SRGAP1: variants seen among roughly 807,000 people sequenced by gnomAD.
SRGAP1 encodes SLIT-ROBO Rho GTPase activating protein 1, also known as SLIT-ROBO Rho GTPase-activating protein 1.
In SRGAP1, 43 loss-of-function variants were observed where a neutral mutation model predicts 121.9. The ratio of observed to expected loss-of-function variants is 0.35; its 90% CI spans 0.28 to 0.46. The LOEUF (loss-of-function observed/expected upper bound fraction) is 0.46, where lower values mean the gene tolerates loss of function less well. SRGAP1 is among the 20% of genes least tolerant of loss of function. The pLI, the probability that SRGAP1 is intolerant of heterozygous loss-of-function variation, is 1.00. For synonymous variants in SRGAP1, 447 were observed against 485.4 expected, an observed-to-expected ratio of 0.92 and a Z score of 1.04; for missense variants, 1,102 against 1,350.9, an observed-to-expected ratio of 0.82 and a Z score of 2.89.
chr12:63,941,947 T>C (rs761536806), intron 1 of SRGAP1, among the ~76,000 whole-genome samples: 2 of 152,150 alleles, frequency 1.3e-5, no homozygotes, highest in Non-Finnish European at 2.9e-5. Context: ...GTTCCAAACC[T>C]GGAAATCACA....
At chr12:63,949,066 T>TATTTTCCATATATGA (rs1468174857) in intron 1 of SRGAP1, among the ~76,000 whole-genome samples, 30,012 of 127,804 alleles carry the variant, frequency 0.23, 6,469 homozygotes, top group East Asian at 0.44. Context: ...TCCATATATG[T>TATTTTCCATATATGA]ATTTTCCATA....
chr12:64,021,174 G>T (rs7970430), intron 4 of SRGAP1, among the ~76,000 whole-genome samples: 61,823 of 152,092 alleles, frequency 0.41, 13,067 homozygotes, highest in Non-Finnish European at 0.48. Flanking sequence ...GAGACTCCAT[G>T]AAAGTCTCAC....
rs146885491 is a variant in SRGAP1, at chr12:64,142,556, G to T, written c.3142G>T (p.Val1048Leu). Residue 1048 changes from valine to leucine, a missense_variant, in exon 22 of 22, where the codon GTG becomes TTG. By Grantham distance (32) the Val-to-Leu change is conservative. Around this residue, in one of 3 missense-constraint regions of SRGAP1, gnomAD observed 315 missense variants for 343.1 expected, o/e 0.92. Coordinates refer to ENST00000355086, the MANE Select transcript of SRGAP1 (RefSeq NM_020762.4). ...FKPMVAPRMG[V>L]QLKPPALRPK... ...GCCTATGGTGGCACCCAGAATGGGC[G>T]TGCAGCTGAAGCCTCCAGCCCTTAG... The T allele has an allele frequency of 6.2e-7, 1 of 1,614,172 alleles. No homozygotes were observed. The highest frequency in any genetic ancestry group is 1.1e-5 in the South Asian group (1 of 91,082).
intron 15 of SRGAP1, among the ~76,000 whole-genome samples, chr12:64,101,266 A>G (rs1386251239): frequency 6.7e-6 from 1 of 149,178 alleles, no homozygotes; most frequent in Non-Finnish European, 1.5e-5. Flanking sequence ...TGTAGCACCC[A>G]CTACTTTTCG....
At chr12:63,900,298 C>T (rs1180536556) in intron 1 of SRGAP1, among the ~76,000 whole-genome samples, 12 of 149,232 alleles carry the variant, frequency 8.0e-5, no homozygotes, top group African/African-American at 2.5e-4. Context: ...CTCTGCCTCC[C>T]GGGTTCAAGC....
chr12:63,868,500 G>A (rs1383549812), intron 1 of SRGAP1, among the ~76,000 whole-genome samples: 1 of 152,040 alleles, frequency 6.6e-6, no homozygotes, highest in African/African-American at 2.4e-5. Flanking sequence ...CTCAGCCTCC[G>A]AAGTAGCTGA....
At chr12:64,111,430 A>G (rs1021900663) in intron 16 of SRGAP1, among the ~76,000 whole-genome samples, 1 of 152,204 alleles carries the variant, frequency 6.6e-6, no homozygotes, top group Admixed American at 6.5e-5. Context: ...CTCACTGTGT[A>G]TCCTAAATTT....
intron 1 of SRGAP1, among the ~76,000 whole-genome samples, chr12:63,968,641 C>G (rs1338833013): frequency 6.6e-6 from 1 of 152,206 alleles, no homozygotes; most frequent in Non-Finnish European, 1.5e-5. Flanking sequence ...GCTACCGTTT[C>G]AACCCTGTCA....
At chr12:64,091,425 A>C (rs1190506361) in intron 12 of SRGAP1, 47 bp downstream of exon 12, 2 of 1,413,664 alleles carry the variant, frequency 1.4e-6, no homozygotes, top group African/African-American at 2.8e-5. Context: ...GCTTCTTACT[A>C]TAATGGTCTC....
chr12:64,078,770 G>GT (rs1254493729), intron 8 of SRGAP1, 149 bp from the exon 9 acceptor site: 1 of 718,632 alleles, frequency 1.4e-6, no homozygotes, highest in Non-Finnish European at 2.3e-6. Context: ...GATATGGAGT[G>GT]TTTTTTACCT....
intron 10 of SRGAP1, among the ~76,000 whole-genome samples, chr12:64,086,722 GAAA>G (rs3057149): frequency 0.091 from 10,962 of 120,240 alleles, 488 homozygotes; most frequent in South Asian, 0.23. Flanking sequence ...TTTCTTTTCT[GAAA>G]AAAAAAAAAA....
chr12:64,036,293 G>C (rs1322084251), intron 4 of SRGAP1, among the ~76,000 whole-genome samples: 3 of 152,266 alleles, frequency 2.0e-5, no homozygotes, highest in African/African-American at 7.2e-5. Context: ...AGGTGGCCCT[G>C]GTGGCTTTCC....
chr12:63,931,462 A>AT (rs1024482333), intron 1 of SRGAP1, among the ~76,000 whole-genome samples: 2 of 152,018 alleles, frequency 1.3e-5, no homozygotes, highest in African/African-American at 4.8e-5. Context: ...AGTAAGTTGA[A>AT]TTTTTTTTCT....
intron 1 of SRGAP1, among the ~76,000 whole-genome samples, chr12:63,961,208 A>C (rs1163392711): frequency 6.6e-6 from 1 of 152,244 alleles, no homozygotes; most frequent in Admixed American, 6.5e-5. Context: ...CCATAGCCAC[A>C]CGCAGCCAGA....
rs78835675 is a variant in SRGAP1, at chr12:64,060,472, T to A, written c.802-2445T>A. ...GTCCTCCCACCTTGGCCCCTTGAAG[T>A]GCTGGGATTACAGGCGTGAGCCACC... On this transcript the variant is annotated intron_variant, in intron 6 of 21. Transcript: ENST00000355086. 3.8e-3 allele frequency among the ~76,000 whole-genome samples: 576 copies of A among 152,256 alleles called. 8 individuals carry two copies. Among genetic ancestry groups the A allele is most frequent in the African/African-American group, 0.013 (544 of 41,548 alleles).
At chr12:64,057,300 AAT>A (rs1349935937) in intron 6 of SRGAP1, among the ~76,000 whole-genome samples, 1 of 152,156 alleles carries the variant, frequency 6.6e-6, no homozygotes, top group East Asian at 1.9e-4. Context: ...AGAAGAGTTA[AAT>A]TGTCAGCTAG....
chr12:63,879,582 T>C (rs556231738), intron 1 of SRGAP1: 1 of 152,326 alleles, frequency 6.6e-6, no homozygotes, highest in East Asian at 1.9e-4. Flanking sequence ...CTGTATTTCT[T>C]TGGGGACTGG....
At chr12:64,112,603 T>C (rs543753109) in intron 17 of SRGAP1, among the ~76,000 whole-genome samples, 1 of 152,322 alleles carries the variant, frequency 6.6e-6, no homozygotes, top group Admixed American at 6.5e-5. Flanking sequence ...ATTGTGTAGA[T>C]ATACCATAAT....
intron 10 of SRGAP1, 35 bp from the exon 11 acceptor site, chr12:64,086,964 T>C: frequency 1.9e-6 from 3 of 1,553,384 alleles, no homozygotes; most frequent in Non-Finnish European, 2.7e-6. Context: ...TGCTGATTCC[T>C]TTCAGTTTAC....
Sources: allele counts gnomAD v4.1 joint callset (sites outside exome capture counted in the v4.1 genomes callset), GRCh38; gene constraint gnomAD v4.1.1; regional missense constraint gnomAD v4.1.1; transcripts MANE v1.5; gene names NCBI Gene and HGNC (gene_info 2026-07-23, HGNC 2026-07-21).